Variants in CCDC13 observed in about 807,000 individuals in gnomAD.
CCDC13 encodes the protein coiled-coil domain containing 13, also known as coiled-coil domain-containing protein 13.
CCDC13 carries 70 observed loss-of-function variants against 87.3 expected under a neutral mutation model. The observed-to-expected ratio is 0.80, with a 90% CI of 0.66 to 0.98. The LOEUF (loss-of-function observed/expected upper bound fraction) is 0.98, where lower values mean the gene tolerates loss of function less well. Among genes scored for constraint, CCDC13 ranks in the 50% least tolerant of loss-of-function variants. The probability of loss-of-function intolerance (pLI) is 0.00; values close to 1 mark genes in which losing one functional copy is unlikely to be tolerated. For missense variants in CCDC13, 842 were observed against 892.0 expected (o/e 0.94, Z 0.71); for synonymous variants, 317 against 360.3 (o/e 0.88, Z 1.36).
chr3:42,735,634 AAAG>A, intron 10 of CCDC13, 70 bp downstream of exon 10: 1 of 1,496,170 alleles, frequency 6.7e-7, no homozygotes. Flanking sequence ...AGGCAAGTGG[AAAG>A]AAGTGGAAGG....
intron 15 of CCDC13, 96 bp downstream of exon 15, chr3:42,709,588 T>C: frequency 1.0e-6 from 1 of 993,480 alleles, no homozygotes. Context: ...GGCAAATGAG[T>C]CAAAAGTGCA....
Position 42,747,284 on chromosome 3 carries a change from C to T in CCDC13, c.693G>A (p.Val231=). 1.2e-6 allele frequency: 2 copies of T among 1,614,158 alleles called. No individual in the cohort carries two copies. Among genetic ancestry groups the T allele is most frequent in the Non-Finnish European group, 8.5e-7 (1 of 1,180,016 alleles). ...MSDLRNQIQS[V]KQELRMAQKV... is the part of the protein sequence containing the mutation. ...TCTGTGCCATCCGCAGCTCCTGCTT[C>T]ACAGACTGGATCTGGTTTCGGAGGT... is the stretch of plus-strand genomic sequence containing the variant. Residue 231 remains valine, a synonymous_variant, in exon 6 of 16, where the codon GTG becomes GTA. Coordinates refer to ENST00000310232, the MANE Select transcript of CCDC13 (RefSeq NM_144719.4).
At chr3:42,713,998 T>C (rs985144336) in intron 13 of CCDC13, 2 of 152,216 alleles carry the variant, frequency 1.3e-5, no homozygotes, top group Admixed American at 1.3e-4. Context: ...CAGAATCCAG[T>C]TCCAGGTAGT....
At chr3:42,769,951 T>G (rs1387489392) in intron 1 of CCDC13, among the ~76,000 whole-genome samples, 2 of 152,222 alleles carry the variant, frequency 1.3e-5, no homozygotes, top group Non-Finnish European at 1.5e-5. Flanking sequence ...AGCCTCCCCC[T>G]GCCACCGTGG....
Position 42,739,631 on chromosome 3 carries a change from T to C in CCDC13, c.1164+3A>G. ...TCGCCCTGCCTGAGTGGTGGGGCCA[T>C]ACCATGAGGGCGTCGATGAGCTCGT... On this transcript the variant is annotated splice_donor_region_variant and intron_variant, in intron 9 of 15. Coordinates refer to ENST00000310232, the MANE Select transcript of CCDC13 (RefSeq NM_144719.4). The C allele has an allele frequency of 1.2e-6, 2 of 1,613,156 alleles. No individual in the cohort carries two copies. The highest frequency in any genetic ancestry group is 2.2e-5 in the South Asian group (2 of 90,996).
chr3:42,720,690 T>A (rs1698540060), intron 13 of CCDC13, among the ~76,000 whole-genome samples: 1 of 152,202 alleles, frequency 6.6e-6, no homozygotes, highest in Non-Finnish European at 1.5e-5. Flanking sequence ...AGAATAAAAC[T>A]AAAGGTTTAA....
chr3:42,704,446 C>T (rs1698122869), downstream of CCDC13: 1 of 152,302 alleles, frequency 6.6e-6, no homozygotes, highest in African/African-American at 2.4e-5. Context: ...GGGCATACCG[C>T]TGGCCCTGGC....
chr3:42,735,852 C>CG lies in CCDC13; in HGVS notation c.1225dup (p.Arg409ProfsTer31), dbSNP rs1225611941. The CG allele has an allele frequency of 3.7e-6, 6 of 1,614,130 alleles. No homozygotes were observed. Among genetic ancestry groups the CG allele is most frequent in the Non-Finnish European group, 5.1e-6 (6 of 1,180,054 alleles). On this transcript the variant is annotated frameshift_variant, in exon 10 of 16. Transcript: ENST00000310232. LOFTEE classifies it high-confidence loss of function. ...CTGGTCCAGGTGGTGCTGGGACACTCGCGTTTTCTCCTCCTGCAGACTCAG... is the reference window on the plus strand; with the variant it reads ...CTGGTCCAGGTGGTGCTGGGACACTCGGCGTTTTCTCCTCCTGCAGACTCAG...
At chr3:42,764,607 A>G (rs777076337) in intron 1 of CCDC13, among the ~76,000 whole-genome samples, 1 of 152,076 alleles carries the variant, frequency 6.6e-6, no homozygotes, top group Non-Finnish European at 1.5e-5. Flanking sequence ...ATTCACTTTT[A>G]TTTCCCATCA....
At chr3:42,761,901 A>C (rs1575334586) in intron 1 of CCDC13, among the ~76,000 whole-genome samples, 1 of 151,786 alleles carries the variant, frequency 6.6e-6, no homozygotes, top group African/African-American at 2.4e-5. Flanking sequence ...TCCTTTTCTG[A>C]CCCGCCAGGA....
At chr3:42,747,576 A>C (rs958721012) in intron 5 of CCDC13, among the ~76,000 whole-genome samples, 3 of 152,204 alleles carry the variant, frequency 2.0e-5, no homozygotes, top group Non-Finnish European at 4.4e-5. Flanking sequence ...GTGGAAGGTA[A>C]GTCCTCTACT....
chr3:42,732,227 G>GT (rs1698854938), intron 12 of CCDC13, among the ~76,000 whole-genome samples: 2 of 152,192 alleles, frequency 1.3e-5, no homozygotes, highest in Admixed American at 1.3e-4. Flanking sequence ...GCAGCATGCT[G>GT]TCCCCCACTT....
chr3:42,728,880 G>A (rs980974204), intron 13 of CCDC13, among the ~76,000 whole-genome samples: 12 of 152,102 alleles, frequency 7.9e-5, no homozygotes, highest in Admixed American at 7.9e-4. Flanking sequence ...TATGTGACTG[G>A]GTGTGAGCAC....
intron 3 of CCDC13, among the ~76,000 whole-genome samples, chr3:42,755,215 T>C (rs1213649405): frequency 6.6e-6 from 1 of 151,568 alleles, no homozygotes; most frequent in Non-Finnish European, 1.5e-5. Flanking sequence ...GTACGAAAAA[T>C]ATAGTAAGCA....
chr3:42,752,354 C>G (rs1699606216), intron 4 of CCDC13, among the ~76,000 whole-genome samples: 1 of 152,224 alleles, frequency 6.6e-6, no homozygotes, highest in African/African-American at 2.4e-5. Context: ...TGATGGATTT[C>G]AGGTTACAGA....
chr3:42,706,985 C>T lies in CCDC13; in HGVS notation c.*1995G>A, dbSNP rs1193656692. The stretch of plus-strand genomic sequence containing the variant: ...AGACTCCATGACCTAATGCTCCTTC[C>T]TTTCTCAGGCATAGCCCAGGAAGGG... On this transcript the variant is annotated 3_prime_UTR_variant, in exon 16 of 16. Transcript: ENST00000310232. 6.6e-6 allele frequency among the ~76,000 whole-genome samples: 1 copy of T among 152,212 alleles called. No homozygotes were observed. Among genetic ancestry groups the T allele is most frequent in the African/African-American group, 2.4e-5 (1 of 41,458 alleles).
chr3:42,760,013 C>T (rs1291733385), intron 1 of CCDC13, among the ~76,000 whole-genome samples: 3 of 152,152 alleles, frequency 2.0e-5, no homozygotes, highest in East Asian at 1.9e-4. Context: ...GTATCTCAGC[C>T]GGGCATGGTG....
chr3:42,719,434 C>G (rs1698510311), intron 13 of CCDC13: 1 of 149,500 alleles, frequency 6.7e-6, no homozygotes, highest in Non-Finnish European at 1.5e-5. Context: ...TCTGTGCAGA[C>G]TGGTAAAAAT....
In CCDC13 at chr3:42,735,902, C is replaced by T. The variant is rs1373246464; in HGVS notation, c.1176G>A (p.Lys392=). The change falls in exon 10 of 16, where the codon AAG becomes AAA. Residue 392 remains lysine (K), a synonymous_variant. Coordinates refer to ENST00000310232, the MANE Select transcript of CCDC13 (RefSeq NM_144719.4). The part of the protein sequence containing the change: ...ELIDALMDQL[K]QLQEILGSLS... ...GGCTGCCTAGGATCTCCTGTAGCTG[C>T]TTCAGCTGGTCCTGGGGGGCCAGGC... 1 of 1,613,676 alleles carries T rather than the reference C, an allele frequency of 6.2e-7. No individual in the cohort carries two copies. Among genetic ancestry groups the T allele is most frequent in the Admixed American group, 1.7e-5 (1 of 59,964 alleles).
Sources: gnomAD v4.1 joint callset for allele counts (sites outside exome capture counted in the v4.1 genomes callset) on GRCh38, gnomAD v4.1.1 for gene constraint, MANE v1.5 for transcripts, NCBI Gene and HGNC (gene_info 2026-07-23, HGNC 2026-07-21) for gene names.